The following SDCBP variants were observed in gnomAD, a reference collection of about 807,000 sequenced individuals.
SDCBP encodes syntenin-1.
A neutral mutation model predicts 30.5 loss-of-function variants in SDCBP; 22 were observed. The ratio of observed to expected loss-of-function variants is 0.72; its 90% confidence interval spans 0.52 to 1.03. The LOEUF (loss-of-function observed/expected upper bound fraction) is 1.03, where lower values mean the gene tolerates loss of function less well. Ranked by LOEUF, SDCBP falls within the 50% of genes least tolerant of loss-of-function variation. The pLI is 0.00. For missense variants in SDCBP, 304 were observed against 369.9 expected (o/e 0.82, Z 1.46); for synonymous variants, 103 against 118.7 (o/e 0.87, Z 0.86).
chr8:58,554,331 C>G (rs1027322208), intron 1 of SDCBP, among the ~76,000 whole-genome samples: 1 of 152,184 alleles, frequency 6.6e-6, no homozygotes, highest in African/African-American at 2.4e-5. Context: ...TTAGTTAAAA[C>G]TCAAATTTGT....
At position 58,572,236 on chromosome 8, in the gene SDCBP, T is replaced by C. The variant is rs140328364; in HGVS notation, c.162T>C (p.Ser54=). 2.0e-5 allele frequency: 32 copies of C among 1,611,290 alleles called. No individual in the cohort carries two copies. Among genetic ancestry groups the C allele is most frequent in the Middle Eastern group, 2.1e-4 (1 of 4,680 alleles). ...ATCCCAGACTGTATCCAGAGCTCTCTCAATACATGGGGCTGAGTTTAAATG... is the reference window on the plus strand; with the variant it reads ...ATCCCAGACTGTATCCAGAGCTCTCCCAATACATGGGGCTGAGTTTAAATG... ...NLYPRLYPEL[S]QYMGLSLNEE... The change falls in exon 4 of 9, where the codon TCT becomes TCC. Residue 54 remains serine (S), a synonymous_variant. Coordinates refer to ENST00000260130, the MANE Select transcript of SDCBP (RefSeq NM_005625.4).
chr8:58,553,700 A>C (rs1046691507), intron 1 of SDCBP, among the ~76,000 whole-genome samples: 8 of 152,212 alleles, frequency 5.3e-5, no homozygotes, highest in African/African-American at 1.9e-4. Context: ...TAAGATCTCG[A>C]CATAAGAAAG....
At chr8:58,562,030 A>G (rs1053806337) in intron 1 of SDCBP, among the ~76,000 whole-genome samples, 4 of 151,998 alleles carry the variant, frequency 2.6e-5, no homozygotes, top group African/African-American at 9.7e-5. Context: ...GAAAATACCT[A>G]TAGAAAATAC....
intron 1 of SDCBP, among the ~76,000 whole-genome samples, chr8:58,559,585 G>A (rs1213013174): frequency 6.6e-6 from 1 of 150,434 alleles, no homozygotes; most frequent in East Asian, 1.9e-4. Context: ...CCCAGATTCT[G>A]TTTTTCCCTT....
At chr8:58,573,659 G>T (rs748541269) in intron 4 of SDCBP, among the ~76,000 whole-genome samples, 6 of 152,100 alleles carry the variant, frequency 3.9e-5, no homozygotes, top group Non-Finnish European at 7.4e-5. Context: ...CAGTGTAAAG[G>T]GCCAGGCTTA....
At chr8:58,568,737 A>G (rs1464644671) in intron 2 of SDCBP, among the ~76,000 whole-genome samples, 1 of 152,144 alleles carries the variant, frequency 6.6e-6, no homozygotes. Flanking sequence ...CCACTATTGT[A>G]TATGTGGTTC....
chr8:58,578,094 G>A lies in SDCBP; in HGVS notation c.464G>A (p.Gly155Glu), dbSNP rs1422243641. The change falls in exon 6 of 9, where the codon GGG becomes GAG. Residue 155 changes from glycine (G) to glutamate (E), a missense_variant. Gly to Glu is a moderately conservative substitution (Grantham distance 98). Transcript: ENST00000260130. ...GCCTCATTGGTTGGTCTGAGATTTG[G>A]GGACCAAGTACTTCAGATCAATGGT... is the stretch of plus-strand genomic sequence containing the variant. ...SPASLVGLRF[G>E]DQVLQINGEN... 3.7e-6 allele frequency: 6 copies of A among 1,613,736 alleles called. No homozygotes were observed. Among genetic ancestry groups the A allele is most frequent in the Non-Finnish European group, 5.1e-6 (6 of 1,179,712 alleles).
rs561293767 is a variant in SDCBP, at chr8:58,563,845, C to T, written c.-15-1174C>T. 9.2e-5 allele frequency among the ~76,000 whole-genome samples: 14 copies of T among 152,258 alleles called. No homozygotes were observed. The East Asian group carries it at 2.7e-3, about 29-fold the overall frequency. ...TGGCAGATGCTGAAGTTGCCGGATA[C>T]CATGCTTCTGGAACTTATTCTCCCT... On this transcript the variant is annotated intron_variant, in intron 1 of 8. Coordinates refer to ENST00000260130, the MANE Select transcript of SDCBP (RefSeq NM_005625.4).
chr8:58,574,551 A>G (rs935844559), intron 4 of SDCBP, among the ~76,000 whole-genome samples: 1 of 152,112 alleles, frequency 6.6e-6, no homozygotes, highest in African/African-American at 2.4e-5. Flanking sequence ...AGGGTTCTTC[A>G]GTGCGCCGCC....
chr8:58,567,835 A>G (rs1486736969), intron 2 of SDCBP, among the ~76,000 whole-genome samples: 1 of 152,222 alleles, frequency 6.6e-6, no homozygotes, highest in Non-Finnish European at 1.5e-5. Context: ...CAATTGTTAC[A>G]CAATAGTATT....
At chr8:58,562,158 C>G (rs775849226) in intron 1 of SDCBP, among the ~76,000 whole-genome samples, 63 of 150,930 alleles carry the variant, frequency 4.2e-4, no homozygotes, top group Non-Finnish European at 7.7e-4. Flanking sequence ...AAATCATTAA[C>G]AAAATGTCAT....
chr8:58,557,022 CTAT>C (rs1244204339), intron 1 of SDCBP, among the ~76,000 whole-genome samples: 11 of 130,166 alleles, frequency 8.5e-5, no homozygotes, highest in African/African-American at 3.2e-4. Context: ...ATCTTATATA[CTAT>C]ATTATAAGTA....
At chr8:58,572,947 C>T (rs1805110571) in intron 4 of SDCBP, among the ~76,000 whole-genome samples, 1 of 151,636 alleles carries the variant, frequency 6.6e-6, no homozygotes, top group Non-Finnish European at 1.5e-5. Context: ...GCTGAGACTA[C>T]AAGCGCGCGC....
chr8:58,579,878 A>T (rs115922129), intron 7 of SDCBP, 84 bp downstream of exon 7: 5 of 1,333,244 alleles, frequency 3.8e-6, no homozygotes, highest in African/African-American at 1.5e-5. Flanking sequence ...CGCTGTTTTC[A>T]TATTGACTTA....
chr8:58,560,453 C>T (rs1256615724), intron 1 of SDCBP: 1 of 152,028 alleles, frequency 6.6e-6, no homozygotes, highest in Non-Finnish European at 1.5e-5. Context: ...CAGAGAGCTA[C>T]CCCCAAGGGA....
chr8:58,579,863 GGTGGC>G, intron 7 of SDCBP, 69 bp downstream of exon 7: 1 of 1,425,906 alleles, frequency 7.0e-7, no homozygotes, highest in Non-Finnish European at 9.4e-7. Context: ...ACTGTATTTA[GGTGGC>G]GCTGTTTTCA....
At chr8:58,579,296 T>A (rs184777203) in intron 6 of SDCBP, among the ~76,000 whole-genome samples, 1 of 152,328 alleles carries the variant, frequency 6.6e-6, no homozygotes, top group Non-Finnish European at 1.5e-5. Flanking sequence ...CACTGTGATT[T>A]AGTTAAAAAG....
chr8:58,572,438 T>G (rs1406148960), intron 4 of SDCBP, 124 bp downstream of exon 4: 2 of 619,902 alleles, frequency 3.2e-6, no homozygotes, highest in Non-Finnish European at 5.6e-6. Context: ...CTCAGAAATT[T>G]TAGACTTCCT....
intron 2 of SDCBP, among the ~76,000 whole-genome samples, chr8:58,566,141 G>A (rs1804698798): frequency 6.6e-6 from 1 of 152,022 alleles, no homozygotes; most frequent in Admixed American, 6.6e-5. Flanking sequence ...TTAGTATTTT[G>A]TCAGTATTTT....
Sources: allele counts gnomAD v4.1 joint callset (sites outside exome capture counted in the v4.1 genomes callset), GRCh38; gene constraint gnomAD v4.1.1; transcripts MANE v1.5; gene names NCBI Gene and HGNC (gene_info 2026-07-23, HGNC 2026-07-21).